Variants in MMRN1 observed in about 807,000 individuals in gnomAD.
The protein encoded by MMRN1 is multimerin 1.
MMRN1 carries 94 observed loss-of-function variants against 100.7 expected under a neutral mutation model. That is an observed-to-expected ratio of 0.93 (90% confidence interval 0.79 to 1.11). MMRN1 has a LOEUF of 1.11. Among genes scored for constraint, MMRN1 ranks in the 50% least tolerant of loss-of-function variants. The pLI is 0.00. For missense variants in MMRN1, 1,606 were observed against 1,439.1 expected, an observed-to-expected ratio of 1.12 and a Z score of -1.88; for synonymous variants, 575 against 505.0, an observed-to-expected ratio of 1.14 and a Z score of -1.86.
At chr4:89,950,551 T>A (rs1285570638) in intron 6 of MMRN1, among the ~76,000 whole-genome samples, 1 of 152,132 alleles carries the variant, frequency 6.6e-6, no homozygotes, top group East Asian at 1.9e-4. Flanking sequence ...TTAAATAATG[T>A]TATTATTGCT....
chr4:89,892,437 C>T (rs1276162553), upstream of MMRN1, among the ~76,000 whole-genome samples: 2 of 151,234 alleles, frequency 1.3e-5, no homozygotes, highest in African/African-American at 4.9e-5. Context: ...AGCCAGTCAT[C>T]TCAGCAATAT....
At chr4:89,951,442 C>T in intron 6 of MMRN1, 163 bp from the exon 7 acceptor site, 1 of 565,426 alleles carries the variant, frequency 1.8e-6, no homozygotes, top group Admixed American at 3.8e-5. Context: ...AAGGGATTTG[C>T]ATGACGTCCT....
chr4:89,891,160 C>T (rs1383716009), upstream of MMRN1, among the ~76,000 whole-genome samples: 1 of 151,950 alleles, frequency 6.6e-6, no homozygotes, highest in Non-Finnish European at 1.5e-5. Flanking sequence ...AATGGGCTTT[C>T]TGAATTTTCT....
intron 1 of MMRN1, among the ~76,000 whole-genome samples, chr4:89,889,851 T>TA: frequency 6.6e-6 from 1 of 152,214 alleles, no homozygotes; most frequent in African/African-American, 2.4e-5. Flanking sequence ...AAATCATTTT[T>TA]AAAACAATCT....
chr4:89,933,455 C>T (rs920019264), intron 5 of MMRN1, among the ~76,000 whole-genome samples: 7 of 152,172 alleles, frequency 4.6e-5, no homozygotes, highest in African/African-American at 7.2e-5. Context: ...ATACCCCACT[C>T]TGTTGGTAAA....
At chr4:89,923,880 A>G (rs1412782620) in intron 4 of MMRN1, among the ~76,000 whole-genome samples, 2 of 152,218 alleles carry the variant, frequency 1.3e-5, no homozygotes, top group Non-Finnish European at 2.9e-5. Context: ...ATCTAGTCAT[A>G]CAAAACAAGG....
chr4:89,886,659 T>C (rs558640796), intron 1 of MMRN1, among the ~76,000 whole-genome samples: 1 of 152,192 alleles, frequency 6.6e-6, no homozygotes, highest in African/African-American at 2.4e-5. Flanking sequence ...ATTAGATTTA[T>C]CCATTTCTCC....
chr4:89,905,582 A>G (rs1408608985), intron 1 of MMRN1, among the ~76,000 whole-genome samples: 1 of 151,626 alleles, frequency 6.6e-6, no homozygotes, highest in Non-Finnish European at 1.5e-5. Context: ...GGTTATTACT[A>G]GAGTCACCTG....
At chr4:89,951,146 G>C (rs979530453) in intron 6 of MMRN1, among the ~76,000 whole-genome samples, 1 of 151,706 alleles carries the variant, frequency 6.6e-6, no homozygotes, top group African/African-American at 2.4e-5. Flanking sequence ...TTGTTGTAAT[G>C]CAATCATATT....
intron 1 of MMRN1, among the ~76,000 whole-genome samples, chr4:89,902,296 T>G (rs1721417502): frequency 6.6e-6 from 1 of 151,058 alleles, no homozygotes; most frequent in Non-Finnish European, 1.5e-5. Flanking sequence ...CTGCACAATG[T>G]GCACATGTAC....
intron 6 of MMRN1, among the ~76,000 whole-genome samples, chr4:89,948,779 G>A (rs372950680): frequency 6.6e-6 from 1 of 152,112 alleles, no homozygotes; most frequent in Non-Finnish European, 1.5e-5. Context: ...GCAAAAAGAG[G>A]CACAGAAAGG....
intron 6 of MMRN1, among the ~76,000 whole-genome samples, chr4:89,943,051 G>C (rs115436114): frequency 0.016 from 2,505 of 152,206 alleles, 76 homozygotes; most frequent in African/African-American, 0.057. Flanking sequence ...ACTCATGTAA[G>C]AGCAGAGTCA....
intron 1 of MMRN1, among the ~76,000 whole-genome samples, chr4:89,900,113 G>A (rs1317873025): frequency 6.6e-6 from 1 of 152,008 alleles, no homozygotes; most frequent in African/African-American, 2.4e-5. Flanking sequence ...AACTTAAGAA[G>A]GAAATGTAAA....
chr4:89,909,430 TG>T (rs1560584253), intron 2 of MMRN1, 35 bp downstream of exon 2: 1 of 1,603,970 alleles, frequency 6.2e-7, no homozygotes, highest in Non-Finnish European at 8.5e-7. Context: ...CCACTGTTTT[TG>T]CACCATAATA....
chr4:89,924,240 G>A (rs1445188420), intron 4 of MMRN1, among the ~76,000 whole-genome samples: 1 of 152,080 alleles, frequency 6.6e-6, no homozygotes, highest in Non-Finnish European at 1.5e-5. Context: ...CTGTAACTGC[G>A]AGCAAGTTAT....
At chr4:89,922,309 G>C (rs1179867630) in intron 3 of MMRN1, among the ~76,000 whole-genome samples, 1 of 151,942 alleles carries the variant, frequency 6.6e-6, no homozygotes, top group Non-Finnish European at 1.5e-5. Flanking sequence ...CTTTCACTAT[G>C]TTGGCCAGGC....
At chr4:89,885,276 T>C (rs1720911441) in intron 1 of MMRN1, among the ~76,000 whole-genome samples, 2 of 152,084 alleles carry the variant, frequency 1.3e-5, no homozygotes, top group African/African-American at 4.8e-5. Flanking sequence ...TTAACTTCTT[T>C]GAATTACCCC....
chr4:89,922,992 T>A lies in MMRN1; in HGVS notation c.851-176T>A, dbSNP rs549603489. Among the ~76,000 whole-genome samples, 6 of 152,266 alleles carry A rather than the reference T, an allele frequency of 3.9e-5. No homozygotes were observed. In the South Asian group the frequency reaches 1.2e-3, roughly 32 times the overall value. On this transcript the variant is annotated intron_variant, in intron 3 of 7. Transcript: ENST00000264790. ...TAGAGTCCTGCATTTCCCACTCCAA[T>A]GTGGTGTTGCATTGCCCTATGGTTG...
intron 1 of MMRN1, chr4:89,902,055 C>G (rs116099133): frequency 6.6e-6 from 1 of 151,382 alleles, no homozygotes; most frequent in Non-Finnish European, 1.5e-5. Flanking sequence ...CAGTTTACAA[C>G]GCCCGGAATA....
Sources: gnomAD v4.1 joint callset for allele counts (sites outside exome capture counted in the v4.1 genomes callset) on GRCh38, gnomAD v4.1.1 for gene constraint, MANE v1.5 for transcripts, NCBI Gene and HGNC (gene_info 2026-07-23, HGNC 2026-07-21) for gene names.